CSMD2: variants seen among roughly 807,000 people sequenced by gnomAD.
CSMD2 encodes the protein CUB and sushi domain-containing protein 2.
In CSMD2, 130 loss-of-function variants were observed where a neutral mutation model predicts 398.5. The ratio of observed to expected loss-of-function variants is 0.33; its 90% CI spans 0.28 to 0.38. CSMD2 has a LOEUF of 0.38. Ranked by LOEUF, CSMD2 falls within the 10% of genes least tolerant of loss-of-function variation. CSMD2 has a pLI of 1.00. For missense variants in CSMD2, 3,829 were observed against 4,764.9 expected (o/e 0.80, Z 5.78); for synonymous variants, 1,828 against 1,908.5 (o/e 0.96, Z 1.10).
At chr1:33,721,124 A>G (rs1403940065) in intron 19 of CSMD2, among the ~76,000 whole-genome samples, 2 of 152,152 alleles carry the variant, frequency 1.3e-5, no homozygotes, top group African/African-American at 2.4e-5. Flanking sequence ...GCACCTTTCA[A>G]CCGGGCTATG....
chr1:33,981,960 C>G (rs1646185681), intron 3 of CSMD2, among the ~76,000 whole-genome samples: 1 of 152,160 alleles, frequency 6.6e-6, no homozygotes, highest in Non-Finnish European at 1.5e-5. Flanking sequence ...GGAAGTCACA[C>G]TGGGTGCCCT....
chr1:33,570,815 C>T (rs1399249051), intron 51 of CSMD2, among the ~76,000 whole-genome samples: 1 of 152,170 alleles, frequency 6.6e-6, no homozygotes, highest in East Asian at 1.9e-4. Flanking sequence ...AGTTCCCTTG[C>T]TCCAACTTGT....
intron 25 of CSMD2, among the ~76,000 whole-genome samples, chr1:33,669,105 T>C (rs1644408220): frequency 6.6e-6 from 1 of 152,182 alleles, no homozygotes; most frequent in African/African-American, 2.4e-5. Flanking sequence ...GTGGAGGAAC[T>C]GAAGTTCCAA....
chr1:33,517,982 T>C (rs1458557836), intron 70 of CSMD2, among the ~76,000 whole-genome samples: 1 of 152,266 alleles, frequency 6.6e-6, no homozygotes, highest in African/African-American at 2.4e-5. Flanking sequence ...CTGCCATTTG[T>C]GTGTGGCTGG....
Position 33,709,196 on chromosome 1 carries a change from T to A in CSMD2, c.3469A>T (p.Asn1157Tyr). The change falls in exon 22 of 71, where the codon AAC becomes TAC. Residue 1157 changes from asparagine (N) to tyrosine (Y), a missense_variant. By Grantham distance (143) the Asn-to-Tyr change is moderately radical (BLOSUM62 -2). This residue lies in a region of CSMD2 where 2,001 missense variants were observed against 2,567.1 expected (regional missense o/e 0.78). Transcript: ENST00000373381. ...GTLLSPNFPVNYNNNHECIYS... is the reference protein window; with the variant it reads ...GTLLSPNFPVYYNNNHECIYS... ...ATGCATTCATGATTGTTATTGTAGTTCACAGGAAAGTTGGGGGACAGCAAA... is the reference window on the plus strand; with the variant it reads ...ATGCATTCATGATTGTTATTGTAGTACACAGGAAAGTTGGGGGACAGCAAA... 6.2e-7 allele frequency: 1 copy of A among 1,614,118 alleles called. No individual in the cohort carries two copies. Among genetic ancestry groups the A allele is most frequent in the Non-Finnish European group, 8.5e-7 (1 of 1,179,956 alleles).
chr1:33,979,697 A>ATG (rs112461458), intron 3 of CSMD2, among the ~76,000 whole-genome samples: 38,762 of 151,686 alleles, frequency 0.26, 5,740 homozygotes, highest in Non-Finnish European at 0.34. Flanking sequence ...TGTGTGTTTT[A>ATG]TGTGTGTGTG....
In CSMD2 at chr1:34,164,577, G is replaced by A. The variant is rs1235823100; in HGVS notation, c.187+334C>T. ...CGGGAAAAAGCCTAGCACCGTGGGG[G>A]CTGGGAGGCTGGAGAAACTGAAGCC... On this transcript the variant is annotated intron_variant, in intron 1 of 70. Transcript: ENST00000373381. The surrounding 1 kb of genome is among the most constrained non-coding windows in gnomAD (Gnocchi z 6.2). 6.6e-6 allele frequency among the ~76,000 whole-genome samples: 1 copy of A among 152,086 alleles called. No homozygotes were observed. Among genetic ancestry groups the A allele is most frequent in the Non-Finnish European group, 1.5e-5 (1 of 68,024 alleles).
At chr1:33,540,470 C>T (rs1570666210) in intron 60 of CSMD2, 55 bp downstream of exon 60, 4 of 1,585,354 alleles carry the variant, frequency 2.5e-6, no homozygotes, top group African/African-American at 1.3e-5. Flanking sequence ...TCCGAGGAGG[C>T]AAGGGGAAGG....
At chr1:34,024,326 C>T (rs1180020598) in intron 3 of CSMD2, among the ~76,000 whole-genome samples, 2 of 152,358 alleles carry the variant, frequency 1.3e-5, no homozygotes, top group East Asian at 3.9e-4. Flanking sequence ...CAGGCAGCTG[C>T]GTGAGAATGC....
At chr1:33,735,666 TA>T (rs1646861887) in intron 15 of CSMD2, among the ~76,000 whole-genome samples, 1 of 152,212 alleles carries the variant, frequency 6.6e-6, no homozygotes, top group Non-Finnish European at 1.5e-5. Context: ...ATCCTCCAGA[TA>T]ATCATCCTTC....
At chr1:33,836,104 G>A (rs1660223469) in intron 6 of CSMD2, among the ~76,000 whole-genome samples, 2 of 152,308 alleles carry the variant, frequency 1.3e-5, no homozygotes, top group East Asian at 1.9e-4. Flanking sequence ...AGCTGCAGGT[G>A]TGTTGGTGTT....
At chr1:33,688,451 G>A (rs999436954) in intron 25 of CSMD2, among the ~76,000 whole-genome samples, 2 of 152,202 alleles carry the variant, frequency 1.3e-5, no homozygotes, top group Admixed American at 1.3e-4. Context: ...GGGGTGTGAG[G>A]AGGAGTAAGA....
intron 32 of CSMD2, among the ~76,000 whole-genome samples, chr1:33,630,322 T>C (rs925582749): frequency 2.6e-5 from 4 of 152,168 alleles, no homozygotes; most frequent in Non-Finnish European, 4.4e-5. Flanking sequence ...ATGTGTGAGG[T>C]GGTGGTTACA....
At chr1:33,966,394 A>G (rs1645559376) in intron 3 of CSMD2, among the ~76,000 whole-genome samples, 2 of 152,200 alleles carry the variant, frequency 1.3e-5, no homozygotes. Flanking sequence ...CTGAGGCTTA[A>G]ATGGGAATCA....
intron 53 of CSMD2, among the ~76,000 whole-genome samples, chr1:33,563,964 T>C (rs1324471315): frequency 6.6e-6 from 1 of 152,064 alleles, no homozygotes; most frequent in Non-Finnish European, 1.5e-5. Context: ...CTTGCTTTCC[T>C]CCTCCAGATA....
intron 6 of CSMD2, among the ~76,000 whole-genome samples, chr1:33,831,073 T>C (rs1245544876): frequency 6.6e-6 from 1 of 152,120 alleles, no homozygotes; most frequent in South Asian, 2.1e-4. Flanking sequence ...TGGAACCAAG[T>C]TGGAAAACAC....
intron 2 of CSMD2, among the ~76,000 whole-genome samples, chr1:34,048,679 G>A (rs1262500529): frequency 6.6e-6 from 1 of 152,226 alleles, no homozygotes; most frequent in Non-Finnish European, 1.5e-5. Context: ...TTGGCCGCCA[G>A]AGCTGGTTTT....
intron 13 of CSMD2, among the ~76,000 whole-genome samples, chr1:33,758,813 T>C (rs189681604): frequency 2.0e-5 from 3 of 152,276 alleles, no homozygotes; most frequent in Admixed American, 2.0e-4. Context: ...AGGCTATAAA[T>C]GTACTTGAGT....
At chr1:33,763,943 T>C (rs1195804428) in intron 13 of CSMD2, among the ~76,000 whole-genome samples, 2 of 152,196 alleles carry the variant, frequency 1.3e-5, no homozygotes, top group African/African-American at 2.4e-5. Context: ...GCTTCTATTC[T>C]GGTTCATGGT....
Sources: allele counts gnomAD v4.1 joint callset (sites outside exome capture counted in the v4.1 genomes callset), GRCh38; gene constraint gnomAD v4.1.1; regional missense constraint gnomAD v4.1.1; non-coding constraint Gnocchi (gnomAD v3.1); transcripts MANE v1.5; gene names NCBI Gene and HGNC (gene_info 2026-07-23, HGNC 2026-07-21).